Variants in CREB5 observed in about 807,000 individuals in gnomAD.
The protein encoded by CREB5 is cyclic AMP-responsive element-binding protein 5.
CREB5 carries 19 observed loss-of-function variants against 57.1 expected under a neutral mutation model. The ratio of observed to expected loss-of-function variants is 0.33; its 90% confidence interval spans 0.23 to 0.49. The LOEUF is 0.49. CREB5 is among the 20% of genes least tolerant of loss of function. The pLI is 0.99. For synonymous variants in CREB5, 238 were observed against 238.3 expected, an observed-to-expected ratio of 1.00 and a Z score of 0.01; for missense variants, 579 against 671.6, an observed-to-expected ratio of 0.86 and a Z score of 1.52.
chr7:28,619,487 G>A (rs949676127), intron 5 of CREB5, among the ~76,000 whole-genome samples: 17 of 152,142 alleles, frequency 1.1e-4, no homozygotes, highest in South Asian at 6.2e-4. Context: ...TTATTTTTCC[G>A]TCATTCTACA....
chr7:28,605,789 C>T (rs1203952216), intron 5 of CREB5, among the ~76,000 whole-genome samples: 8 of 149,576 alleles, frequency 5.3e-5, no homozygotes, highest in African/African-American at 7.4e-5. Context: ...AAGAGTGCTT[C>T]GGTCCTTGAT....
intron 5 of CREB5, among the ~76,000 whole-genome samples, chr7:28,589,956 A>G (rs1397273664): frequency 1.3e-5 from 2 of 152,200 alleles, no homozygotes; most frequent in Non-Finnish European, 2.9e-5. Context: ...GACAATAGGA[A>G]AGACATTATA....
At chr7:28,589,494 C>A (rs985549978) in intron 5 of CREB5, among the ~76,000 whole-genome samples, 3 of 152,146 alleles carry the variant, frequency 2.0e-5, no homozygotes, top group African/African-American at 7.2e-5. Context: ...GCGGAGCTTG[C>A]AGTGAGCCAA....
chr7:28,342,236 C>T (rs368766315), intron 1 of CREB5, among the ~76,000 whole-genome samples: 3 of 152,168 alleles, frequency 2.0e-5, no homozygotes, highest in African/African-American at 7.2e-5. Flanking sequence ...CACCATTCCT[C>T]TCTTCCATTT....
chr7:28,679,778 T>C (rs117708109), intron 5 of CREB5, among the ~76,000 whole-genome samples: 1,707 of 152,332 alleles, frequency 0.011, 18 homozygotes, highest in Middle Eastern at 0.031. Context: ...AAGGTGTTAG[T>C]GTATCAGTAC....
Position 28,561,167 on chromosome 7 carries a change from G to A in CREB5, c.292-9198G>A, listed in dbSNP as rs182304512. ...ACTTTTTATTTTCTCTTGTTCCACA[G>A]CACTCATTGTACTGTTCTATATATT... On this transcript the variant is annotated intron_variant, in intron 4 of 10. Coordinates refer to ENST00000357727, the MANE Select transcript of CREB5 (RefSeq NM_182898.4). 3.0e-3 allele frequency among the ~76,000 whole-genome samples: 457 copies of A among 152,232 alleles called. 13 individuals carry two copies. Among genetic ancestry groups the A allele is most frequent in the Admixed American group, 0.026 (398 of 15,294 alleles).
At chr7:28,503,321 A>T (rs1562760652) in intron 3 of CREB5, among the ~76,000 whole-genome samples, 1 of 152,154 alleles carries the variant, frequency 6.6e-6, no homozygotes, top group African/African-American at 2.4e-5. Flanking sequence ...GTTCTTTTGA[A>T]ATATTTTGGA....
intron 1 of CREB5, among the ~76,000 whole-genome samples, chr7:28,455,103 G>A (rs1790034953): frequency 6.6e-6 from 1 of 152,122 alleles, no homozygotes; most frequent in Non-Finnish European, 1.5e-5. Flanking sequence ...AAGTAGAAGG[G>A]GGCAAAGCCA....
Position 28,818,156 on chromosome 7 carries a change from A to T in CREB5, c.1340A>T (p.Gln447Leu). The change falls in exon 10 of 11, where the codon CAG (glutamine) becomes CTG (leucine). Residue 447 changes from glutamine to leucine, a missense_variant. Gln to Leu is a moderately radical substitution (Grantham distance 113). Coordinates refer to ENST00000357727, the MANE Select transcript of CREB5 (RefSeq NM_182898.4). ...THKDCPITAM[Q>L]KESQGYLSPE... ...AAAGACTGCCCAATAACAGCCATGC[A>T]GAAAGAATCACAAGGATATCTAAGT... 6.2e-7 allele frequency: 1 copy of T among 1,613,016 alleles called. No individual in the cohort carries two copies. Among genetic ancestry groups the T allele is most frequent in the Non-Finnish European group, 8.5e-7 (1 of 1,179,466 alleles).
At chr7:28,315,964 T>C (rs1785370560) in intron 1 of CREB5, among the ~76,000 whole-genome samples, 1 of 152,214 alleles carries the variant, frequency 6.6e-6, no homozygotes, top group Non-Finnish European at 1.5e-5. Flanking sequence ...TGGTTTTTTT[T>C]ACCTGCCAAC....
rs565833609 is a variant in CREB5, at chr7:28,642,649, G to A, written c.464+72112G>A. The stretch of plus-strand genomic sequence containing the variant: ...CAATGGGGTAATACTTTTTATTAGG[G>A]CCTCTGTGTATACTTCAGATGTGAG... On this transcript the variant is annotated intron_variant, in intron 5 of 10. Coordinates refer to ENST00000357727, the MANE Select transcript of CREB5 (RefSeq NM_182898.4). Among the ~76,000 whole-genome samples, 12 of 152,148 alleles carry A rather than the reference G, an allele frequency of 7.9e-5. No individual in the cohort carries two copies. The Middle Eastern group carries it at 0.014, about 173-fold the overall frequency.
chr7:28,467,541 G>A (rs1790641766), intron 1 of CREB5, among the ~76,000 whole-genome samples: 1 of 152,122 alleles, frequency 6.6e-6, no homozygotes, highest in Non-Finnish European at 1.5e-5. Context: ...CTGCTCACAA[G>A]ACCCTGCTGA....
intron 5 of CREB5, among the ~76,000 whole-genome samples, chr7:28,664,387 T>A (rs1799729144): frequency 6.6e-6 from 1 of 152,248 alleles, no homozygotes; most frequent in Admixed American, 6.5e-5. Flanking sequence ...ACTTTAAGAA[T>A]AATGCTTGTC....
At chr7:28,537,358 C>T (rs216726) in intron 4 of CREB5, among the ~76,000 whole-genome samples, 91,733 of 151,870 alleles carry the variant, frequency 0.6, 27,896 homozygotes, top group South Asian at 0.71. Context: ...AAAAGAATTT[C>T]CTACAACATG....
At chr7:28,577,261 C>T (rs1795942768) in intron 5 of CREB5, among the ~76,000 whole-genome samples, 1 of 152,202 alleles carries the variant, frequency 6.6e-6, no homozygotes, top group Admixed American at 6.5e-5. Context: ...CAAATTTATT[C>T]TCTCTTTTGG....
rs886836229 is a variant in CREB5, at chr7:28,667,068, G to T, written c.465-51685G>T. Among the ~76,000 whole-genome samples, 132 of 152,038 alleles carry T rather than the reference G, an allele frequency of 8.7e-4. 2 individuals carry two copies. The highest frequency in any genetic ancestry group is 9.8e-4 in the Admixed American group (15 of 15,238). On this transcript the variant is annotated intron_variant, in intron 5 of 10. Transcript: ENST00000357727. Reference sequence around the variant, plus strand: ...GGGGATCTGCTTTTTTGTGAAGAGTGAAACGAGGACTGATGCTCTTGGAAT... The same window carrying T: ...GGGGATCTGCTTTTTTGTGAAGAGTTAAACGAGGACTGATGCTCTTGGAAT...
intron 3 of CREB5, among the ~76,000 whole-genome samples, chr7:28,499,806 C>T (rs1792202387): frequency 6.6e-6 from 1 of 152,130 alleles, no homozygotes; most frequent in Non-Finnish European, 1.5e-5. Flanking sequence ...TGGTCTCGAA[C>T]TCTCAACCTC....
chr7:28,411,814 G>A (rs1453805563), upstream of CREB5, among the ~76,000 whole-genome samples: 1 of 152,106 alleles, frequency 6.6e-6, no homozygotes, highest in Non-Finnish European at 1.5e-5. Context: ...CTCCTGTCTG[G>A]GGTCTAATTG....
chr7:28,405,705 C>T (rs908679528), intron 1 of CREB5, among the ~76,000 whole-genome samples: 3 of 152,222 alleles, frequency 2.0e-5, no homozygotes, highest in Admixed American at 1.3e-4. Flanking sequence ...GTGTGAGCCA[C>T]TGCGCCTGGC....
Sources: allele counts gnomAD v4.1 joint callset (sites outside exome capture counted in the v4.1 genomes callset), GRCh38; gene constraint gnomAD v4.1.1; transcripts MANE v1.5; gene names NCBI Gene and HGNC (gene_info 2026-07-23, HGNC 2026-07-21).